TNR: variants seen among roughly 807,000 people sequenced by gnomAD.
The protein encoded by TNR is tenascin-R.
In TNR, 45 loss-of-function variants were observed where a neutral mutation model predicts 150.4. The observed-to-expected ratio is 0.30, with a 90% CI of 0.24 to 0.38. The LOEUF (loss-of-function observed/expected upper bound fraction) is 0.38, where lower values mean the gene tolerates loss of function less well. TNR is among the 10% of genes least tolerant of loss of function. TNR has a pLI of 1.00. For synonymous variants in TNR, 687 were observed against 678.4 expected (o/e 1.01, Z -0.20); for missense variants, 1,544 against 1,759.1 (o/e 0.88, Z 2.19).
chr1:175,351,767 C>G (rs552243966), intron 18 of TNR, among the ~76,000 whole-genome samples: 1 of 152,140 alleles, frequency 6.6e-6, no homozygotes, highest in South Asian at 2.1e-4. Flanking sequence ...AGTAAAACTG[C>G]GAAAGCTTCC....
chr1:175,694,634 GC>G (rs1666458875), intron 1 of TNR, among the ~76,000 whole-genome samples: 1 of 152,084 alleles, frequency 6.6e-6, no homozygotes, highest in Non-Finnish European at 1.5e-5. Context: ...ATCCTACCCC[GC>G]CCAGTACTTG....
intron 1 of TNR, among the ~76,000 whole-genome samples, chr1:175,678,764 C>A (rs1267942377): frequency 6.6e-6 from 1 of 152,194 alleles, no homozygotes; most frequent in Non-Finnish European, 1.5e-5. Context: ...ACAGGAAGAC[C>A]AAGTGGGAAG....
rs940015403 is a variant in TNR, at chr1:175,420,188, A to T, written c.-63-13411T>A. Among the ~76,000 whole-genome samples, 5 of 152,138 alleles carry T rather than the reference A, an allele frequency of 3.3e-5. 1 individual carries two copies. The highest frequency in any genetic ancestry group is 2.0e-4 in the Admixed American group (3 of 15,272). ...TGGGGCTCAACTTCAACGAGACCTG[A>T]CCACCTGGACACAGTTCCCTCACTG... On this transcript the variant is annotated intron_variant, in intron 2 of 22. Transcript: ENST00000367674.
chr1:175,417,540 A>G (rs187665788), intron 2 of TNR, among the ~76,000 whole-genome samples: 10 of 152,276 alleles, frequency 6.6e-5, no homozygotes, highest in Admixed American at 2.6e-4. Flanking sequence ...TAGCAGATGG[A>G]CCACTGGATA....
chr1:175,601,093 T>C (rs1303172071), intron 1 of TNR, among the ~76,000 whole-genome samples: 2 of 152,254 alleles, frequency 1.3e-5, no homozygotes, highest in Admixed American at 6.5e-5. Flanking sequence ...TGCCAAAATA[T>C]GTTTACATAT....
chr1:175,607,229 G>A (rs1052393699), intron 1 of TNR, among the ~76,000 whole-genome samples: 2 of 152,160 alleles, frequency 1.3e-5, no homozygotes, highest in Non-Finnish European at 1.5e-5. Context: ...GTCGTCTTGA[G>A]ACTAGAGGTC....
Position 175,317,257 on chromosome 1 carries a change from A to T in TNR, c.*6100T>A, listed in dbSNP as rs1273774508. On this transcript the variant is annotated 3_prime_UTR_variant, in exon 23 of 23. Transcript: ENST00000367674. ...AATCAAATTAAAAAGCCTATACCAG[A>T]CCCGAACTCAGCTCTGTTACTAATT... 3 of 152,202 alleles carry T rather than the reference A, an allele frequency of 2.0e-5. No individual in the cohort carries two copies. The East Asian group carries it at 5.8e-4, about 29-fold the overall frequency. The allele number at this position is 152,202 out of a possible 1,614,324, so 9.4% of individuals were successfully genotyped here.
intron 1 of TNR, among the ~76,000 whole-genome samples, chr1:175,707,300 G>A (rs1666868647): frequency 1.3e-5 from 2 of 152,050 alleles, no homozygotes; most frequent in African/African-American, 4.8e-5. Context: ...TGAATGTTAT[G>A]TGGATTCCTA....
At chr1:175,508,817 G>T (rs575418644) in intron 2 of TNR, among the ~76,000 whole-genome samples, 1 of 152,218 alleles carries the variant, frequency 6.6e-6, no homozygotes, top group Admixed American at 6.5e-5. Context: ...AATGATTGTT[G>T]TCTTAAGCCA....
In TNR at chr1:175,627,930, C is replaced by G. The variant is rs75988736; in HGVS notation, c.-164-99561G>C. Among the ~76,000 whole-genome samples, 532 of 152,296 alleles carry G rather than the reference C, an allele frequency of 3.5e-3. 9 individuals carry two copies. Among genetic ancestry groups the G allele is most frequent in the African/African-American group, 0.012 (499 of 41,564 alleles). On this transcript the variant is annotated intron_variant, in intron 1 of 22. Coordinates refer to ENST00000367674, the MANE Select transcript of TNR (RefSeq NM_003285.3). The stretch of plus-strand genomic sequence containing the variant: ...GGTCTGTAAAAGCCGAAGAAGCCAG[C>G]AGTCTCAGCTGCCCCAATCCACGAT...
At chr1:175,354,579 G>C in intron 17 of TNR, 56 bp from the exon 18 acceptor site, 2 of 1,610,380 alleles carry the variant, frequency 1.2e-6, no homozygotes, top group Non-Finnish European at 1.7e-6. Flanking sequence ...TTGCAATTTG[G>C]GAAAGTAGGG....
intron 1 of TNR, among the ~76,000 whole-genome samples, chr1:175,674,085 T>C (rs1323046423): frequency 6.6e-6 from 1 of 152,134 alleles, no homozygotes; most frequent in Non-Finnish European, 1.5e-5. Flanking sequence ...GATATGGTGG[T>C]GCAGGGAACT....
chr1:175,441,547 ACATGGACAAC>A (rs1318935746), intron 2 of TNR, among the ~76,000 whole-genome samples: 1 of 152,222 alleles, frequency 6.6e-6, no homozygotes. Context: ...CCTATTATAG[ACATGGACAAC>A]ATTCTGCCAG....
chr1:175,434,670 T>C lies in TNR; in HGVS notation c.-63-27893A>G, dbSNP rs79998739. Among the ~76,000 whole-genome samples the C allele has an allele frequency of 7.5e-3, 1,143 of 152,280 alleles. 14 individuals are homozygous for C. Among genetic ancestry groups the C allele is most frequent in the African/African-American group, 0.026 (1,101 of 41,552 alleles). ...TGTTTAGGCCCCCAACCTTACCTCT[T>C]ACCACTCCTGGCCCCTTGATTTATG... is the stretch of plus-strand genomic sequence containing the variant. On this transcript the variant is annotated intron_variant, in intron 2 of 22. Coordinates refer to ENST00000367674, the MANE Select transcript of TNR (RefSeq NM_003285.3).
rs981875795 is a variant in TNR at position 175,738,831 on chromosome 1, C to T, written c.-165+4395G>A. 6.6e-5 allele frequency among the ~76,000 whole-genome samples: 10 copies of T among 152,208 alleles called. 1 individual carries two copies. The highest frequency in any genetic ancestry group is 2.4e-5 in the African/African-American group (1 of 41,446). ...TTTGAACAATCCCATTCCAATTCCA[C>T]CTTCCCCACTGGACTGTCTCTTAAG... On this transcript the variant is annotated intron_variant, in intron 1 of 22. Transcript: ENST00000367674.
In TNR at chr1:175,666,763, T is replaced by C. The variant is rs540583676; in HGVS notation, c.-165+76463A>G. Among the ~76,000 whole-genome samples, 4 of 152,318 alleles carry C rather than the reference T, an allele frequency of 2.6e-5. No homozygotes were observed. In the South Asian group the frequency reaches 6.2e-4, roughly 24 times the overall value. The stretch of plus-strand genomic sequence containing the variant: ...CCCTAGATTCGTTGTTGTTATTGTT[T>C]ATAGAGACAGGTTCTCTTTCTGTCA... On this transcript the variant is annotated intron_variant, in intron 1 of 22. Coordinates refer to ENST00000367674, the MANE Select transcript of TNR (RefSeq NM_003285.3).
chr1:175,637,560 A>G (rs1332948568), intron 1 of TNR, among the ~76,000 whole-genome samples: 1 of 152,182 alleles, frequency 6.6e-6, no homozygotes, highest in East Asian at 1.9e-4. Flanking sequence ...AAAATAGAGA[A>G]TCCCTGAGTA....
intron 1 of TNR, among the ~76,000 whole-genome samples, chr1:175,707,922 C>T (rs1441274431): frequency 1.3e-5 from 2 of 151,830 alleles, no homozygotes; most frequent in African/African-American, 4.8e-5. Context: ...AAAAACAGGG[C>T]TACATAATGA....
chr1:175,357,555 C>A (rs1286907404), intron 15 of TNR, among the ~76,000 whole-genome samples: 1 of 152,182 alleles, frequency 6.6e-6, no homozygotes, highest in Non-Finnish European at 1.5e-5. Context: ...TCCAGCCATA[C>A]CAAACTATGG....
Sources: gnomAD v4.1 joint callset for allele counts (sites outside exome capture counted in the v4.1 genomes callset) on GRCh38, gnomAD v4.1.1 for gene constraint, MANE v1.5 for transcripts, NCBI Gene and HGNC (gene_info 2026-07-23, HGNC 2026-07-21) for gene names.